The following ROBO1 variants were observed in gnomAD, a reference collection of about 807,000 sequenced individuals.
ROBO1 encodes roundabout guidance receptor 1.
A neutral mutation model predicts 195.9 loss-of-function variants in ROBO1; 149 were observed. The ratio of observed to expected loss-of-function variants is 0.76; its 90% CI spans 0.67 to 0.87. ROBO1 has a LOEUF of 0.87. Ranked by LOEUF, ROBO1 falls within the 40% of genes least tolerant of loss-of-function variation. The pLI, the probability that ROBO1 is intolerant of heterozygous loss-of-function variation, is 0.00. For missense variants in ROBO1, 1,933 were observed against 2,068.3 expected (o/e 0.93, Z 1.27); for synonymous variants, 816 against 733.2 (o/e 1.11, Z -1.82).
At chr3:79,242,905 A>T (rs1365400879) in intron 2 of ROBO1, among the ~76,000 whole-genome samples, 2 of 151,966 alleles carry the variant, frequency 1.3e-5, no homozygotes, top group Non-Finnish European at 2.9e-5. Context: ...ATATGTATAC[A>T]TGTGCCATGT....
chr3:79,354,479 G>A (rs11929197), intron 2 of ROBO1, among the ~76,000 whole-genome samples: 4,284 of 152,150 alleles, frequency 0.028, 186 homozygotes, highest in African/African-American at 0.097. Context: ...TCATTCCACT[G>A]GAACTGCCTA....
intron 2 of ROBO1, among the ~76,000 whole-genome samples, chr3:79,163,779 GA>G (rs1382695180): frequency 1.3e-5 from 2 of 151,978 alleles, no homozygotes; most frequent in Admixed American, 1.3e-4. Flanking sequence ...TTGAAACAAA[GA>G]AAAGGATCCT....
chr3:79,708,364 A>T lies in ROBO1; in HGVS notation c.-51+59388T>A, dbSNP rs115562438. On this transcript the variant is annotated intron_variant, in intron 1 of 30. Coordinates refer to ENST00000464233, the MANE Select transcript of ROBO1 (RefSeq NM_002941.4). ...TTCCAATTCAGCATAAAATGTTTCA[A>T]CATCAACTGCATCTTTGAATCTTTA... 4.7e-3 allele frequency among the ~76,000 whole-genome samples: 712 copies of T among 152,324 alleles called. 10 individuals are homozygous for T. The highest frequency in any genetic ancestry group is 0.015 in the African/African-American group (616 of 41,586).
chr3:79,167,550 A>G (rs1252696320), intron 2 of ROBO1, among the ~76,000 whole-genome samples: 1 of 152,216 alleles, frequency 6.6e-6, no homozygotes, highest in African/African-American at 2.4e-5. Context: ...TTGCCTTCTA[A>G]GAGGGCACTT....
At chr3:78,922,021 C>T (rs1021904591) in intron 4 of ROBO1, among the ~76,000 whole-genome samples, 1 of 151,986 alleles carries the variant, frequency 6.6e-6, no homozygotes, top group Non-Finnish European at 1.5e-5. Flanking sequence ...TTTAGTAGAT[C>T]ATGAGGTCTG....
At chr3:79,580,013 A>G (rs1271018079) in intron 2 of ROBO1, among the ~76,000 whole-genome samples, 6 of 152,132 alleles carry the variant, frequency 3.9e-5, no homozygotes, top group Non-Finnish European at 8.8e-5. Context: ...AAAACATTGA[A>G]ATAAAGTTGA....
chr3:79,250,571 G>C (rs1044007281), intron 2 of ROBO1, among the ~76,000 whole-genome samples: 1 of 151,766 alleles, frequency 6.6e-6, no homozygotes, highest in Non-Finnish European at 1.5e-5. Context: ...TGTGGGGGGG[G>C]TTCTGTATCT....
At chr3:79,140,034 G>C (rs1437929657) in intron 2 of ROBO1, among the ~76,000 whole-genome samples, 5 of 152,044 alleles carry the variant, frequency 3.3e-5, no homozygotes, top group African/African-American at 1.2e-4. Flanking sequence ...TGATGGATGG[G>C]GAATCAGGAA....
chr3:78,635,698 A>G (rs1705451293), intron 23 of ROBO1, 75 bp downstream of exon 23: 1 of 1,269,742 alleles, frequency 7.9e-7, no homozygotes, highest in African/African-American at 1.5e-5. Context: ...CTAGTCGCAG[A>G]CAAGTTTCAA....
intron 2 of ROBO1, among the ~76,000 whole-genome samples, chr3:79,558,630 A>T (rs1942798770): frequency 6.6e-6 from 1 of 152,074 alleles, no homozygotes; most frequent in African/African-American, 2.4e-5. Context: ...TGGTACTTGG[A>T]GATAAAGTTG....
At chr3:78,904,692 ATATGTATATATG>A (rs11276523) in intron 4 of ROBO1, among the ~76,000 whole-genome samples, 5,766 of 149,970 alleles carry the variant, frequency 0.038, 335 homozygotes, top group African/African-American at 0.12. Flanking sequence ...ATACGTATAC[ATATGTATATATG>A]TATATATATA....
intron 1 of ROBO1, among the ~76,000 whole-genome samples, chr3:79,692,965 T>G (rs559150018): frequency 1.3e-5 from 2 of 151,962 alleles, no homozygotes; most frequent in South Asian, 4.2e-4. Flanking sequence ...TTTTAAATAA[T>G]TTTGTGCATA....
chr3:78,922,662 TGCAGTG>T (rs2039008135), intron 4 of ROBO1, among the ~76,000 whole-genome samples: 1 of 147,236 alleles, frequency 6.8e-6, no homozygotes, highest in Admixed American at 7.0e-5. Flanking sequence ...CAGGCTGGAG[TGCAGTG>T]GCACGATCTC....
At position 79,372,759 on chromosome 3, in the gene ROBO1, A is replaced by AT. The variant is rs780950479; in HGVS notation, c.88+217064dup. Among the ~76,000 whole-genome samples the AT allele has an allele frequency of 6.5e-4, 98 of 150,956 alleles. 1 individual carries two copies. The highest frequency in any genetic ancestry group is 2.1e-3 in the East Asian group (11 of 5,146). ...AGTTTCCAGAACTGTGAGAAAATAC[A>AT]TTTTTTTTTCATTATTTGAGTATAT... On this transcript the variant is annotated intron_variant, in intron 2 of 30. Transcript: ENST00000464233.
chr3:78,938,551 C>T (rs1242478428), intron 4 of ROBO1, 50 bp downstream of exon 4: 12 of 1,487,760 alleles, frequency 8.1e-6, no homozygotes, highest in South Asian at 1.3e-5. Context: ...AAACAAATGA[C>T]GCCACTCTGC....
intron 2 of ROBO1, among the ~76,000 whole-genome samples, chr3:79,395,455 A>G (rs2037122979): frequency 6.6e-6 from 1 of 151,974 alleles, no homozygotes; most frequent in African/African-American, 2.4e-5. Flanking sequence ...CAATTTTCCC[A>G]TCTAATGAGA....
chr3:79,374,812 G>A (rs569255475), intron 2 of ROBO1, among the ~76,000 whole-genome samples: 1 of 148,892 alleles, frequency 6.7e-6, no homozygotes, highest in South Asian at 2.1e-4. Context: ...GCTTGACTAA[G>A]TTGGAATAAT....
intron 2 of ROBO1, among the ~76,000 whole-genome samples, chr3:79,198,320 T>C (rs2081684309): frequency 6.6e-6 from 1 of 152,146 alleles, no homozygotes; most frequent in African/African-American, 2.4e-5. Flanking sequence ...TTTGTTTTTG[T>C]CAAATTTGTC....
At chr3:79,302,873 G>T (rs984455728) in intron 2 of ROBO1, among the ~76,000 whole-genome samples, 5 of 151,908 alleles carry the variant, frequency 3.3e-5, no homozygotes, top group Admixed American at 6.6e-5. Context: ...AGTTTGATTT[G>T]AAATTCTCCT....
Sources: allele counts gnomAD v4.1 joint callset (sites outside exome capture counted in the v4.1 genomes callset), GRCh38; gene constraint gnomAD v4.1.1; transcripts MANE v1.5; gene names NCBI Gene and HGNC (gene_info 2026-07-23, HGNC 2026-07-21).